Variants in PTPRQ observed in about 807,000 individuals in gnomAD.
The protein encoded by PTPRQ is protein tyrosine phosphatase receptor type Q, also known as phosphatidylinositol phosphatase PTPRQ.
PTPRQ carries 199 observed loss-of-function variants against 246.0 expected under a neutral mutation model. The observed-to-expected ratio is 0.81, with a 90% CI of 0.72 to 0.91. PTPRQ has a LOEUF of 0.91. PTPRQ is among the 40% of genes least tolerant of loss of function. The pLI, the probability that PTPRQ is intolerant of heterozygous loss-of-function variation, is 0.00. For synonymous variants in PTPRQ, 869 were observed against 853.2 expected (o/e 1.02, Z -0.32); for missense variants, 2,624 against 2,528.4 (o/e 1.04, Z -0.81).
intron 25 of PTPRQ, among the ~76,000 whole-genome samples, chr12:80,565,083 G>A (rs116153575): frequency 0.023 from 3,438 of 152,108 alleles, 134 homozygotes; most frequent in African/African-American, 0.078. Context: ...AAATACTGAG[G>A]CCATTATGGG....
At chr12:80,462,088 G>C (rs1465811080) in intron 6 of PTPRQ, 8 of 626,714 alleles carry the variant, frequency 1.3e-5, no homozygotes, top group Non-Finnish European at 2.3e-5. Context: ...AGCACAAGGG[G>C]TCAGGGAGTT....
chr12:80,541,746 GA>G lies in PTPRQ; in HGVS notation c.3351del (p.Lys1117AsnfsTer7). 1 of 1,551,080 alleles carries G rather than the reference GA, an allele frequency of 6.4e-7. No individual in the cohort carries two copies. The highest frequency in any genetic ancestry group is 8.7e-7 in the Non-Finnish European group (1 of 1,146,636). On this transcript the variant is annotated frameshift_variant, in exon 21 of 45. Coordinates refer to ENST00000644991, the MANE Select transcript of PTPRQ (RefSeq NM_001145026.2). LOFTEE classifies it high-confidence loss of function. ...YERSIYFDNLEKYTDYILKIT... is the reference protein window; with the variant it reads ...YERSIYFDNLXKYTDYILKIT... ...GAGAAGCATATATTTTGATAATCTG[GA>G]AAAATACACTGATTATATATTAAAA...
chr12:80,511,031 G>T lies in PTPRQ; in HGVS notation c.2678+588G>T, dbSNP rs76224786. Among the ~76,000 whole-genome samples, 3 of 152,128 alleles carry T rather than the reference G, an allele frequency of 2.0e-5. No individual in the cohort carries two copies. The South Asian group carries it at 6.2e-4, about 32-fold the overall frequency. On this transcript the variant is annotated intron_variant, in intron 17 of 44. Transcript: ENST00000644991. ...CTTGGTAGATTGAAATCTTTACTTT[G>T]ATGTAATGTAAATCCTCTTTAGATT...
At chr12:80,665,043 A>G (rs1027509523) in intron 39 of PTPRQ, among the ~76,000 whole-genome samples, 10 of 151,944 alleles carry the variant, frequency 6.6e-5, no homozygotes, top group African/African-American at 2.4e-4. Context: ...TGAAGCCCCA[A>G]AATAGGCCAT....
intron 27 of PTPRQ, 94 bp from the exon 28 acceptor site, chr12:80,610,345 G>T: frequency 9.0e-7 from 1 of 1,113,676 alleles, no homozygotes; most frequent in African/African-American, 1.6e-5. Flanking sequence ...AATTTGGCTA[G>T]ATAAATACAT....
intron 25 of PTPRQ, chr12:80,561,694 C>T (rs1459948486): frequency 6.6e-6 from 1 of 152,078 alleles, no homozygotes; most frequent in Admixed American, 6.5e-5. Flanking sequence ...TTGGAGATTG[C>T]TTGAGATTCT....
intron 8 of PTPRQ, among the ~76,000 whole-genome samples, chr12:80,479,965 A>G (rs371041709): frequency 1.1e-4 from 16 of 151,900 alleles, no homozygotes; most frequent in South Asian, 4.2e-4. Flanking sequence ...ACAGATCAAC[A>G]AGACAGAAAG....
chr12:80,487,298 G>A (rs193263572), intron 9 of PTPRQ, among the ~76,000 whole-genome samples: 1 of 152,210 alleles, frequency 6.6e-6, no homozygotes, highest in African/African-American at 2.4e-5. Flanking sequence ...ATTGGAATGA[G>A]GACAGAGATC....
chr12:80,461,885 CCA>C (rs1182644514), intron 6 of PTPRQ: 3 of 148,870 alleles, frequency 2.0e-5, no homozygotes, highest in African/African-American at 7.5e-5. Flanking sequence ...TCGGGGGGAG[CCA>C]AGATGGCCGA....
In PTPRQ at chr12:80,595,425, G is replaced by T. The variant is rs548780774; in HGVS notation, c.4609+6973G>T. Among the ~76,000 whole-genome samples the T allele has an allele frequency of 1.7e-3, 257 of 152,124 alleles. 1 individual carries two copies. Among genetic ancestry groups the T allele is most frequent in the African/African-American group, 6.0e-3 (251 of 41,528 alleles). ...TTCTCCATATTTTAAAATAGTTCAT[G>T]CTGATATTTTTTAATTTTTTTGGTC... On this transcript the variant is annotated intron_variant, in intron 26 of 44. Transcript: ENST00000644991.
rs891855309 is a variant in PTPRQ, at chr12:80,594,026, T to TA, written c.4609+5582dup. Among the ~76,000 whole-genome samples the TA allele has an allele frequency of 2.6e-5, 4 of 151,908 alleles. 1 individual carries two copies. The highest frequency in any genetic ancestry group is 9.7e-5 in the African/African-American group (4 of 41,440). On this transcript the variant is annotated intron_variant, in intron 26 of 44. Transcript: ENST00000644991. ...TTAACTACCCAAACATCTGTTAGGT[T>TA]AAAAAAAATTCAACAAAACATGCCT... is the stretch of plus-strand genomic sequence containing the variant.
chr12:80,496,512 T>C lies in PTPRQ; in HGVS notation c.2253T>C (p.Ser751=), dbSNP rs192599195. The part of the protein sequence containing the change: ...GHGNQVSSLL[S]VRTSETVPDS... Reference sequence around the variant, plus strand: ...GCAATCAGGTATCTTCTTTACTCTCTGTAAGGACTTCGGAGACTGGTGAGC... The same window carrying C: ...GCAATCAGGTATCTTCTTTACTCTCCGTAAGGACTTCGGAGACTGGTGAGC... The change falls in exon 14 of 45, where the codon TCT becomes TCC. Residue 751 remains serine, a synonymous_variant. Transcript: ENST00000644991. 5 of 1,542,646 alleles carry C rather than the reference T, an allele frequency of 3.2e-6. No individual in the cohort carries two copies. The East Asian group carries it at 7.4e-5, about 23-fold the overall frequency.
At chr12:80,468,970 T>C (rs928394606) in intron 7 of PTPRQ, 132 bp downstream of exon 7, 9 of 1,291,118 alleles carry the variant, frequency 7.0e-6, no homozygotes, top group Non-Finnish European at 8.2e-6. Flanking sequence ...AATAGGAAAG[T>C]CATAAGGAAG....
chr12:80,615,830 C>G (rs999858306), intron 29 of PTPRQ, among the ~76,000 whole-genome samples: 7 of 150,920 alleles, frequency 4.6e-5, no homozygotes, highest in Non-Finnish European at 8.9e-5. Context: ...GATACAGTGG[C>G]TGTAGTGCTC....
At chr12:80,652,632 T>G in intron 37 of PTPRQ, 112 bp from the exon 38 acceptor site, 2 of 1,133,526 alleles carry the variant, frequency 1.8e-6, no homozygotes, top group Non-Finnish European at 2.3e-6. Flanking sequence ...TGATAGGTGT[T>G]TTTAATTTAA....
rs751901816 is a variant in PTPRQ, at chr12:80,496,381, A to G, written c.2122A>G (p.Thr708Ala). The G allele has an allele frequency of 1.7e-5, 27 of 1,550,500 alleles. No homozygotes were observed. Among genetic ancestry groups the G allele is most frequent in the South Asian group, 4.8e-5 (4 of 83,936 alleles). ...TGAAGTGCTATATAAAAATATAGATACTTTATATATGAAGAACACATCAAC... is the reference window on the plus strand; with the variant it reads ...TGAAGTGCTATATAAAAATATAGATGCTTTATATATGAAGAACACATCAAC... ...AYEVLYKNID[T>A]LYMKNTSTTD... The change falls in exon 14 of 45, where the codon ACT becomes GCT. Residue 708 changes from threonine to alanine, a missense_variant. By Grantham distance (58) the Thr-to-Ala change is moderately conservative. Coordinates refer to ENST00000644991, the MANE Select transcript of PTPRQ (RefSeq NM_001145026.2).
At chr12:80,476,129 A>C (rs574205928) in intron 8 of PTPRQ, among the ~76,000 whole-genome samples, 1 of 152,044 alleles carries the variant, frequency 6.6e-6, no homozygotes, top group African/African-American at 2.4e-5. Context: ...TAAGTTATGC[A>C]ATACTGGCTA....
chr12:80,487,940 G>T (rs1191871953), intron 9 of PTPRQ, among the ~76,000 whole-genome samples: 2 of 152,078 alleles, frequency 1.3e-5, no homozygotes, highest in Non-Finnish European at 2.9e-5. Flanking sequence ...TAAGAAACTA[G>T]CTGAGCTGTG....
At chr12:80,541,522 T>C (rs1274828432) in intron 20 of PTPRQ, 33 bp from the exon 21 acceptor site, 6 of 1,403,586 alleles carry the variant, frequency 4.3e-6, no homozygotes, top group Non-Finnish European at 5.6e-6. Context: ...GGGTAACTGA[T>C]GATTTTTGTA....
Sources: gnomAD v4.1 joint callset for allele counts (sites outside exome capture counted in the v4.1 genomes callset) on GRCh38, gnomAD v4.1.1 for gene constraint, MANE v1.5 for transcripts, NCBI Gene and HGNC (gene_info 2026-07-23, HGNC 2026-07-21) for gene names.